Variants in FKRP observed in about 807,000 individuals in gnomAD.
The protein encoded by FKRP is ribitol 5-phosphate transferase FKRP.
A neutral mutation model predicts 30.6 loss-of-function variants in FKRP; 25 were observed. That is an observed-to-expected ratio of 0.82 (90% CI 0.60 to 1.14). The LOEUF (loss-of-function observed/expected upper bound fraction) is 1.14. Among genes scored for constraint, FKRP ranks in the 50% most tolerant of loss-of-function variants. FKRP has a pLI of 0.00. For synonymous variants in FKRP, 358 were observed against 342.5 expected (o/e 1.05, Z -0.50); for missense variants, 771 against 727.8 (o/e 1.06, Z -0.68).
At position 46,755,745 on chromosome 19, in the gene FKRP, G is replaced by A. The variant is rs776733780; in HGVS notation, c.295G>A (p.Val99Met). ...PPLALPRIPN[V>M]RLALLQPALD... ...CCTGGCCCTGCCCCGCATCCCCAACGTGCGTCTGGCGCTGCTCCAGCCCGC... is the reference window on the plus strand; with the variant it reads ...CCTGGCCCTGCCCCGCATCCCCAACATGCGTCTGGCGCTGCTCCAGCCCGC... Residue 99 changes from valine (V) to methionine (M), a missense_variant, in exon 4 of 4, where the codon GTG (valine) becomes ATG (methionine). Physicochemically the swap from Val to Met is conservative, Grantham distance 21. Coordinates refer to ENST00000318584, the MANE Select transcript of FKRP (RefSeq NM_024301.5). 9.9e-5 allele frequency: 154 copies of A among 1,557,022 alleles called. No individual in the cohort carries two copies. The highest frequency in any genetic ancestry group is 1.2e-4 in the Non-Finnish European group (143 of 1,158,688).
At chr19:46,748,243 T>G (rs2054708548) in intron 2 of FKRP, among the ~76,000 whole-genome samples, 155 bp downstream of exon 2, 1 of 152,060 alleles carries the variant, frequency 6.6e-6, no homozygotes, top group South Asian at 2.1e-4. Context: ...AGTGGCGCGG[T>G]CATGGCTCAC....
In FKRP at chr19:46,756,672, A is replaced by G; in HGVS notation, c.1222A>G (p.Ser408Gly). 6.2e-7 allele frequency: 1 copy of G among 1,613,446 alleles called. No individual in the cohort carries two copies. Among genetic ancestry groups the G allele is most frequent in the Non-Finnish European group, 8.5e-7 (1 of 1,179,834 alleles). The change falls in exon 4 of 4, where the codon AGC (serine) becomes GGC (glycine). Residue 408 changes from serine (S) to glycine (G), a missense_variant. Ser to Gly is a moderately conservative substitution (Grantham distance 56). Coordinates refer to ENST00000318584, the MANE Select transcript of FKRP (RefSeq NM_024301.5). This position sits in a 1 kb window ranked among gnomAD's most constrained non-coding sequence, Gnocchi z 6.6. ...VEGDFFRVQY[S>G]ESNHLHVDLW... The stretch of plus-strand genomic sequence containing the variant: ...GGGCGACTTTTTCCGCGTGCAGTAC[A>G]GCGAAAGCAACCACTTGCACGTGGA...
At chr19:46,745,891 C>T (rs961012382), upstream of FKRP, 10 of 366,054 alleles carry the variant, frequency 2.7e-5, no homozygotes, top group Admixed American at 2.4e-4. Flanking sequence ...TTCTCTCGGC[C>T]GGTCCCGGTG....
At chr19:46,753,264 G>A (rs1011594882) in intron 3 of FKRP, among the ~76,000 whole-genome samples, 32 of 147,982 alleles carry the variant, frequency 2.2e-4, no homozygotes, top group Non-Finnish European at 1.6e-4. Flanking sequence ...TCAGGAGTTC[G>A]AGACCAGCCT....
Position 46,756,104 on chromosome 19 carries a change from G to T in FKRP, c.654G>T (p.Val218=). The change falls in exon 4 of 4, where the codon GTG becomes GTT. Residue 218 remains valine (V), a synonymous_variant. Transcript: ENST00000318584. The surrounding 1 kb of genome is among the most constrained non-coding windows in gnomAD (Gnocchi z 6.6). ...FNLSAPLARP[V]GTSLFLQTAL... ...TCTCGGCGCCCCTGGCCCGGCCGGTGGGCACCAGCCTCTTTCTGCAGACCG... is the reference window on the plus strand; with the variant it reads ...TCTCGGCGCCCCTGGCCCGGCCGGTTGGCACCAGCCTCTTTCTGCAGACCG... The T allele has an allele frequency of 6.5e-7, 1 of 1,532,678 alleles. No individual in the cohort carries two copies. Among genetic ancestry groups the T allele is most frequent in the African/African-American group, 1.4e-5 (1 of 70,286 alleles). The allele number at this position is 1,532,678 out of a possible 1,614,324, so 94.9% of individuals were successfully genotyped here.
intron 3 of FKRP, among the ~76,000 whole-genome samples, chr19:46,753,168 A>G (rs2054827047): frequency 6.6e-6 from 1 of 151,000 alleles, no homozygotes; most frequent in African/African-American, 2.4e-5. Context: ...GTCTCAAAAA[A>G]AAAAAAATTG....
At chr19:46,751,515 ATTACAGGCGCCTGTCACCATGCCCAGC>A in intron 3 of FKRP, among the ~76,000 whole-genome samples, 1 of 149,664 alleles carries the variant, frequency 6.7e-6, no homozygotes, top group Non-Finnish European at 1.5e-5. Context: ...AGTAGCTGGG[ATTACAGGCGCCTGTCACCATGCCCAGC>A]TAACTTTTTT....
rs753158217 is a variant in FKRP at position 46,756,044 on chromosome 19, T to C, written c.594T>C (p.Ala198=). The change falls in exon 4 of 4, where the codon GCT becomes GCC. Residue 198 remains alanine, a synonymous_variant. Transcript: ENST00000318584. The surrounding 1 kb of genome is among the most constrained non-coding windows in gnomAD (Gnocchi z 6.6). ...GCTGCGACGCCCTGGACGGAGATGC[T>C]GTGGTGCTCCTGCGCGCCCGCGACC... The part of the protein sequence containing the change: ...APRCDALDGD[A]VVLLRARDLF... 6.3e-7 allele frequency: 1 copy of C among 1,578,358 alleles called. No individual in the cohort carries two copies. Among genetic ancestry groups the C allele is most frequent in the South Asian group, 1.1e-5 (1 of 88,216 alleles).
chr19:46,752,128 C>T (rs1483837186), intron 3 of FKRP, among the ~76,000 whole-genome samples: 5 of 152,084 alleles, frequency 3.3e-5, no homozygotes, highest in Non-Finnish European at 5.9e-5. Flanking sequence ...TTATGGGCCA[C>T]ATTGAGTACC....
At chr19:46,746,256 C>T in intron 1 of FKRP, 166 bp downstream of exon 1, 1 of 1,494,694 alleles carries the variant, frequency 6.7e-7, no homozygotes. Context: ...GGCTCCGGGC[C>T]CGCCGTGGGC....
At chr19:46,751,814 A>G (rs1158490327) in intron 3 of FKRP, among the ~76,000 whole-genome samples, 1 of 150,490 alleles carries the variant, frequency 6.6e-6, no homozygotes, top group Non-Finnish European at 1.5e-5. Context: ...CGATCTGCCC[A>G]CCTCGCCCTC....
Position 46,746,109 on chromosome 19 carries a change from G to GGGCCA in FKRP, c.-253+23_-253+24insAGGCC. 1 of 1,439,016 alleles carries GGGCCA rather than the reference G, an allele frequency of 6.9e-7. No individual in the cohort carries two copies. The highest frequency in any genetic ancestry group is 9.1e-7 in the Non-Finnish European group (1 of 1,097,226). 89.1% of individuals were successfully genotyped at this position (1,439,016 alleles called of 1,614,324 possible). A position where few individuals can be genotyped will look rare whatever the true frequency, so the allele number is the denominator to read the frequency against. On this transcript the variant is annotated intron_variant, in intron 1 of 3. Coordinates refer to ENST00000318584, the MANE Select transcript of FKRP (RefSeq NM_024301.5). ...GCAGCGGGTGAGGCCGGGCCGGGCC[G>GGGCCA]GGCCGGGTTGGGGGTCGGGGGTCCC...
At position 46,756,408 on chromosome 19, in the gene FKRP, C is replaced by T; in HGVS notation, c.958C>T (p.Arg320Cys). Residue 320 changes from arginine to cysteine, a missense_variant, in exon 4 of 4, where the codon CGC (arginine) becomes TGC (cysteine). Physicochemically the swap from Arg to Cys is radical, Grantham distance 180. Coordinates refer to ENST00000318584, the MANE Select transcript of FKRP (RefSeq NM_024301.5). This position sits in a 1 kb window ranked among gnomAD's most constrained non-coding sequence, Gnocchi z 6.6. ...GCGCTGGACGCCCCCCTGCTGCCTG[C>T]GCGCGCTGCGCGAGACCGCCCGCTA... ...EERWTPPCCL[R>C]ALRETARYVV... 1 of 1,571,736 alleles carries T rather than the reference C, an allele frequency of 6.4e-7. No homozygotes were observed. Among genetic ancestry groups the T allele is most frequent in the Non-Finnish European group, 8.6e-7 (1 of 1,159,522 alleles).
chr19:46,755,371 G>A lies in FKRP; in HGVS notation c.-39-41G>A, dbSNP rs2054885680. ...GAGGGTGGCAGAAGGGGGTGGTTCT[G>A]ACAATCAGCTGCTGCCTTCCCTTTC... On this transcript the variant is annotated intron_variant, in intron 3 of 3. Transcript: ENST00000318584. The A allele has an allele frequency of 3.0e-6, 4 of 1,336,044 alleles. No individual in the cohort carries two copies. The African/African-American group carries it at 4.4e-5, about 15-fold the overall frequency. The allele number at this position is 1,336,044 out of a possible 1,614,324, so 82.8% of individuals were successfully genotyped here.
At chr19:46,751,758 G>A (rs930745925) in intron 3 of FKRP, among the ~76,000 whole-genome samples, 1 of 151,598 alleles carries the variant, frequency 6.6e-6, no homozygotes, top group East Asian at 1.9e-4. Context: ...GTAGAGATGG[G>A]GTTTCACCAT....
At chr19:46,751,093 C>T (rs1313924040) in intron 3 of FKRP, among the ~76,000 whole-genome samples, 4 of 149,204 alleles carry the variant, frequency 2.7e-5, no homozygotes, top group African/African-American at 5.0e-5. Context: ...GACAAGGTCT[C>T]GCTCTATTGC....
At position 46,755,464 on chromosome 19, in the gene FKRP, G is replaced by C. The variant is rs1270612767; in HGVS notation, c.14G>C (p.Arg5Pro). The part of the protein sequence containing the change: MRLT[R>P]CQAALAAAIT... The stretch of plus-strand genomic sequence containing the variant: ...GACTTCGGCCCCATGCGGCTCACCC[G>C]CTGCCAGGCTGCCCTGGCGGCCGCC... The change falls in exon 4 of 4, where the codon CGC becomes CCC. Residue 5 changes from arginine (R) to proline (P), a missense_variant. Physicochemically the swap from Arg to Pro is moderately radical, Grantham distance 103. Coordinates refer to ENST00000318584, the MANE Select transcript of FKRP (RefSeq NM_024301.5). 3 of 1,606,738 alleles carry C rather than the reference G, an allele frequency of 1.9e-6. No homozygotes were observed. Among genetic ancestry groups the C allele is most frequent in the Middle Eastern group, 1.6e-4 (1 of 6,072 alleles).
In FKRP at chr19:46,746,108, CGGGCCG is replaced by C. The variant is rs965228907; in HGVS notation, c.-253+21_-253+26del. The C allele has an allele frequency of 6.9e-7, 1 of 1,441,554 alleles. No individual in the cohort carries two copies. Among genetic ancestry groups the C allele is most frequent in the African/African-American group, 1.5e-5 (1 of 66,948 alleles). The allele number at this position is 1,441,554 out of a possible 1,614,324, so 89.3% of individuals were successfully genotyped here. A position where few individuals can be genotyped will look rare whatever the true frequency, so the allele number is the denominator to read the frequency against. On this transcript the variant is annotated intron_variant, in intron 1 of 3. Coordinates refer to ENST00000318584, the MANE Select transcript of FKRP (RefSeq NM_024301.5). Reference sequence around the variant, plus strand: ...GGCAGCGGGTGAGGCCGGGCCGGGCCGGGCCGGGTTGGGGGTCGGGGGTCCCGGGAC... The same window carrying C: ...GGCAGCGGGTGAGGCCGGGCCGGGCCGGTTGGGGGTCGGGGGTCCCGGGAC...
At chr19:46,745,954 T>G, upstream of FKRP, 1 of 543,710 alleles carries the variant, frequency 1.8e-6, no homozygotes, top group East Asian at 4.6e-5. Context: ...CCCGGTCCCG[T>G]CCCACCCCGG....
Sources: gnomAD v4.1 joint callset for allele counts (sites outside exome capture counted in the v4.1 genomes callset) on GRCh38, gnomAD v4.1.1 for gene constraint, Gnocchi (gnomAD v3.1) non-coding constraint, MANE v1.5 for transcripts, NCBI Gene and HGNC (gene_info 2026-07-23, HGNC 2026-07-21) for gene names.